ZFHX3: variants seen among roughly 807,000 people sequenced by gnomAD.
ZFHX3 encodes the protein zinc finger homeobox 3.
ZFHX3 carries 42 observed loss-of-function variants against 279.1 expected under a neutral mutation model. That is an observed-to-expected ratio of 0.15 (90% CI 0.12 to 0.19). ZFHX3 has a LOEUF of 0.19. ZFHX3 is among the 10% of genes least tolerant of loss of function. The pLI, the probability that ZFHX3 is intolerant of heterozygous loss-of-function variation, is 1.00. For synonymous variants in ZFHX3, 2,293 were observed against 1,957.8 expected (o/e 1.17, Z -4.52); for missense variants, 4,981 against 4,754.0 (o/e 1.05, Z -1.40).
At chr16:72,890,288 C>T (rs970263663) in intron 3 of ZFHX3, among the ~76,000 whole-genome samples, 3 of 152,196 alleles carry the variant, frequency 2.0e-5, no homozygotes, top group Non-Finnish European at 2.9e-5. Flanking sequence ...TTCCCTACTT[C>T]ACTCAGCACT....
intron 6 of ZFHX3, among the ~76,000 whole-genome samples, chr16:73,132,450 G>T (rs1966703957): frequency 6.6e-6 from 1 of 152,118 alleles, no homozygotes; most frequent in African/African-American, 2.4e-5. Context: ...GTGGATGAAG[G>T]TATTATGATA....
intron 2 of ZFHX3, among the ~76,000 whole-genome samples, chr16:73,503,258 C>A (rs147411049): frequency 3.9e-5 from 6 of 152,294 alleles, no homozygotes; most frequent in Admixed American, 3.9e-4. Flanking sequence ...ATTGTAACAT[C>A]TATATGTCAC....
intron 1 of ZFHX3, among the ~76,000 whole-genome samples, chr16:73,877,202 C>G (rs13336070): frequency 0.57 from 71,003 of 124,256 alleles, 19,572 homozygotes; most frequent in African/African-American, 0.66. Flanking sequence ...GGGGTTAGGT[C>G]GGGGGGGGGT....
chr16:73,710,453 A>G (rs923187535), intron 1 of ZFHX3, among the ~76,000 whole-genome samples: 1 of 152,160 alleles, frequency 6.6e-6, no homozygotes, highest in Non-Finnish European at 1.5e-5. Flanking sequence ...TCGCACCCGT[A>G]ACTCCAGTAA....
At chr16:73,773,643 A>G (rs1463305057) in intron 1 of ZFHX3, among the ~76,000 whole-genome samples, 1 of 152,192 alleles carries the variant, frequency 6.6e-6, no homozygotes, top group Non-Finnish European at 1.5e-5. Context: ...TCTCAGGTAG[A>G]GATATGTGAG....
intron 3 of ZFHX3, among the ~76,000 whole-genome samples, chr16:73,380,984 A>T (rs1204060353): frequency 6.6e-6 from 1 of 152,172 alleles, no homozygotes; most frequent in East Asian, 1.9e-4. Context: ...TCTCGCATTT[A>T]CTATTCCTAT....
chr16:73,139,387 G>T (rs900941131), intron 6 of ZFHX3, among the ~76,000 whole-genome samples: 1 of 152,158 alleles, frequency 6.6e-6, no homozygotes, highest in Non-Finnish European at 1.5e-5. Context: ...CGAAGTCCAG[G>T]TTAACCGTGT....
chr16:73,787,860 A>AGAGAGG (rs1959700336), intron 1 of ZFHX3, among the ~76,000 whole-genome samples: 1 of 144,368 alleles, frequency 6.9e-6, no homozygotes, highest in African/African-American at 2.6e-5. Context: ...TGTGAAAGAG[A>AGAGAGG]GAGAGAGAGA....
chr16:73,473,339 C>CAAAAAA (rs11347779), intron 2 of ZFHX3, among the ~76,000 whole-genome samples: 370 of 76,566 alleles, frequency 4.8e-3, no homozygotes, highest in Middle Eastern at 9.4e-3. Context: ...TGTCTCAAAG[C>CAAAAAA]AAAAAAAAAA....
At chr16:73,702,395 G>T (rs1029306834) in intron 1 of ZFHX3, among the ~76,000 whole-genome samples, 1 of 152,170 alleles carries the variant, frequency 6.6e-6, no homozygotes, top group Non-Finnish European at 1.5e-5. Context: ...CTCCCCAGCA[G>T]TGTTTCAGAA....
chr16:73,729,886 C>A (rs144585046), intron 1 of ZFHX3, among the ~76,000 whole-genome samples: 1 of 152,176 alleles, frequency 6.6e-6, no homozygotes, highest in Non-Finnish European at 1.5e-5. Flanking sequence ...GCCTCAGTAA[C>A]CGTCTCTACC....
At chr16:73,229,688 A>G (rs1032632030) in intron 5 of ZFHX3, among the ~76,000 whole-genome samples, 1 of 152,192 alleles carries the variant, frequency 6.6e-6, no homozygotes, top group Non-Finnish European at 1.5e-5. Context: ...AGTAAGGAAA[A>G]TATCGCAGAA....
chr16:73,871,824 C>A (rs2142401289), intron 1 of ZFHX3, among the ~76,000 whole-genome samples: 1 of 152,196 alleles, frequency 6.6e-6, no homozygotes, highest in East Asian at 1.9e-4. Context: ...AATAAATAAT[C>A]ACCTTGAAAA....
At chr16:73,275,088 T>C (rs1265765767) in intron 4 of ZFHX3, among the ~76,000 whole-genome samples, 1 of 152,216 alleles carries the variant, frequency 6.6e-6, no homozygotes, top group South Asian at 2.1e-4. Flanking sequence ...TTAGTCTATA[T>C]CACTGTGCAG....
chr16:73,168,210 G>GTT (rs906015345), intron 5 of ZFHX3, among the ~76,000 whole-genome samples: 4 of 90,902 alleles, frequency 4.4e-5, no homozygotes, highest in Non-Finnish European at 9.5e-5. Context: ...AGTTTCTTTT[G>GTT]TTTTCTTTCT....
intron 1 of ZFHX3, among the ~76,000 whole-genome samples, chr16:73,794,763 T>C (rs957342983): frequency 3.9e-5 from 6 of 152,222 alleles, no homozygotes; most frequent in African/African-American, 1.4e-4. Flanking sequence ...GGGCTATCGA[T>C]TAGACGCTTT....
chr16:73,586,139 A>G (rs1322134493), intron 2 of ZFHX3, among the ~76,000 whole-genome samples: 1 of 152,200 alleles, frequency 6.6e-6, no homozygotes, highest in Non-Finnish European at 1.5e-5. Flanking sequence ...CTATAATCCC[A>G]GCACTTTGGG....
At chr16:73,633,080 A>G (rs2052492725) in intron 2 of ZFHX3, among the ~76,000 whole-genome samples, 1 of 152,258 alleles carries the variant, frequency 6.6e-6, no homozygotes, top group Non-Finnish European at 1.5e-5. Context: ...CTCCGTCTCA[A>G]AAAGAAAAAA....
chr16:73,500,397 C>T (rs886266722), intron 2 of ZFHX3, among the ~76,000 whole-genome samples: 5 of 151,872 alleles, frequency 3.3e-5, no homozygotes, highest in Admixed American at 6.6e-5. Context: ...GTGTGATCTC[C>T]GCTCACTGCA....
Sources: gnomAD v4.1 joint callset for allele counts (sites outside exome capture counted in the v4.1 genomes callset) on GRCh38, gnomAD v4.1.1 for gene constraint, MANE v1.5 for transcripts, NCBI Gene and HGNC (gene_info 2026-07-23, HGNC 2026-07-21) for gene names.